Variants in SCFD2 observed in about 807,000 individuals in gnomAD.
The protein encoded by SCFD2 is sec1 family domain containing 2.
SCFD2 carries 54 observed loss-of-function variants against 58.9 expected under a neutral mutation model. The observed-to-expected ratio is 0.92, with a 90% confidence interval of 0.74 to 1.15. The LOEUF is 1.15. Ranked by LOEUF, SCFD2 falls within the 50% of genes most tolerant of loss-of-function variation. The probability of loss-of-function intolerance (pLI) is 0.00; values close to 1 mark genes in which losing one functional copy is unlikely to be tolerated. For missense variants in SCFD2, 805 were observed against 836.6 expected (o/e 0.96, Z 0.47); for synonymous variants, 321 against 335.9 (o/e 0.96, Z 0.49).
intron 5 of SCFD2, among the ~76,000 whole-genome samples, chr4:53,032,524 G>A (rs181737532): frequency 6.6e-6 from 1 of 152,306 alleles, no homozygotes; most frequent in Non-Finnish European, 1.5e-5. Context: ...AGACCCATCA[G>A]TGTGCTGTAT....
chr4:53,210,487 G>A lies in SCFD2; in HGVS notation c.1311+63339C>T, dbSNP rs1406541403. Among the ~76,000 whole-genome samples, 3 of 151,958 alleles carry A rather than the reference G, an allele frequency of 2.0e-5. 1 individual carries two copies. The highest frequency in any genetic ancestry group is 4.8e-5 in the African/African-American group (2 of 41,330). On this transcript the variant is annotated intron_variant, in intron 4 of 8. Transcript: ENST00000401642. The stretch of plus-strand genomic sequence containing the variant: ...CCAGAAGCTATGTGATGTGTGATAC[G>A]ACAACAGATTGAATGCAGAAGGAGA...
intron 4 of SCFD2, among the ~76,000 whole-genome samples, chr4:53,180,009 T>C (rs180686462): frequency 7.2e-5 from 11 of 152,124 alleles, no homozygotes; most frequent in African/African-American, 2.4e-4. Flanking sequence ...AGCGAGTCCT[T>C]AGTGACCTAC....
At chr4:52,930,622 T>C (rs1306677663) in intron 5 of SCFD2, among the ~76,000 whole-genome samples, 1 of 152,158 alleles carries the variant, frequency 6.6e-6, no homozygotes. Flanking sequence ...GAAAAATCTC[T>C]CTAAAATGGC....
intron 2 of SCFD2, among the ~76,000 whole-genome samples, chr4:53,335,654 G>T (rs1409329478): frequency 6.6e-6 from 1 of 152,042 alleles, no homozygotes; most frequent in Non-Finnish European, 1.5e-5. Context: ...AAATGTTTCA[G>T]GTGAGGGGAA....
intron 4 of SCFD2, among the ~76,000 whole-genome samples, chr4:53,220,470 A>G (rs1329011898): frequency 6.6e-6 from 1 of 152,210 alleles, no homozygotes; most frequent in Non-Finnish European, 1.5e-5. Context: ...TAGGTACCCA[A>G]TAATTATTTG....
chr4:53,009,814 T>C (rs942508693), intron 5 of SCFD2, among the ~76,000 whole-genome samples: 1 of 152,196 alleles, frequency 6.6e-6, no homozygotes, highest in Non-Finnish European at 1.5e-5. Flanking sequence ...AATTTGAAGC[T>C]ATCTTTCTGG....
At chr4:53,241,243 T>G (rs1729883112) in intron 4 of SCFD2, among the ~76,000 whole-genome samples, 3 of 151,930 alleles carry the variant, frequency 2.0e-5, no homozygotes, top group Admixed American at 6.5e-5. Flanking sequence ...TTCCAGCCAC[T>G]GCAAAGCCCA....
At chr4:53,053,818 A>G (rs538084166) in intron 5 of SCFD2, among the ~76,000 whole-genome samples, 1 of 152,264 alleles carries the variant, frequency 6.6e-6, no homozygotes, top group East Asian at 1.9e-4. Context: ...AAATTAATAC[A>G]TAGTAGATGT....
At chr4:53,090,195 T>TG (rs1226798984) in intron 5 of SCFD2, among the ~76,000 whole-genome samples, 2 of 152,188 alleles carry the variant, frequency 1.3e-5, no homozygotes, top group Non-Finnish European at 2.9e-5. Context: ...TTGCTAGGAC[T>TG]CTAGTCAAAA....
intron 5 of SCFD2, among the ~76,000 whole-genome samples, chr4:53,085,765 C>T (rs1380606034): frequency 6.6e-6 from 1 of 151,878 alleles, no homozygotes; most frequent in Admixed American, 6.6e-5. Context: ...GACAAAGGTG[C>T]CAAAAATATA....
intron 3 of SCFD2, among the ~76,000 whole-genome samples, chr4:53,303,368 T>C (rs371901085): frequency 3.9e-5 from 6 of 152,140 alleles, no homozygotes; most frequent in South Asian, 2.1e-4. Flanking sequence ...TCATCACTGG[T>C]CATCAGAGAA....
chr4:53,317,896 C>T (rs1234677068), intron 2 of SCFD2, among the ~76,000 whole-genome samples: 2 of 152,164 alleles, frequency 1.3e-5, no homozygotes, highest in Non-Finnish European at 2.9e-5. Context: ...CAAATCCTGA[C>T]ACACAAGTGC....
intron 5 of SCFD2, among the ~76,000 whole-genome samples, chr4:53,029,254 A>G (rs1577670809): frequency 6.6e-6 from 1 of 152,172 alleles, no homozygotes; most frequent in East Asian, 1.9e-4. Context: ...AAAAAAATTT[A>G]AACAAAGGTG....
chr4:52,955,865 C>A (rs1720699466), intron 5 of SCFD2: 1 of 345,516 alleles, frequency 2.9e-6, no homozygotes, highest in Non-Finnish European at 5.7e-6. Flanking sequence ...CCATTGCGTG[C>A]CCAAGTTAGC....
intron 4 of SCFD2, among the ~76,000 whole-genome samples, chr4:53,239,808 C>T (rs571178953): frequency 6.6e-6 from 1 of 152,254 alleles, no homozygotes; most frequent in East Asian, 1.9e-4. Flanking sequence ...ATGCTACTTA[C>T]ATTTCACTGT....
intron 2 of SCFD2, among the ~76,000 whole-genome samples, chr4:53,345,493 T>G (rs1398037999): frequency 1.3e-5 from 2 of 152,160 alleles, no homozygotes. Context: ...TTTTACACTG[T>G]TGGTGGGAGT....
At chr4:53,109,473 G>A (rs547448682) in intron 5 of SCFD2, among the ~76,000 whole-genome samples, 70 of 151,994 alleles carry the variant, frequency 4.6e-4, no homozygotes, top group Non-Finnish European at 8.4e-4. Context: ...AAACCCCATC[G>A]TCTCTCAGCC....
intron 4 of SCFD2, among the ~76,000 whole-genome samples, chr4:53,165,499 C>T (rs566964636): frequency 3.9e-5 from 6 of 152,248 alleles, no homozygotes; most frequent in South Asian, 4.2e-4. Context: ...CTGACTTGCA[C>T]GACCCTACAT....
intron 3 of SCFD2, among the ~76,000 whole-genome samples, chr4:53,311,396 C>T (rs1286856086): frequency 6.6e-6 from 1 of 151,608 alleles, no homozygotes; most frequent in African/African-American, 2.4e-5. Context: ...TGACAGAAAA[C>T]TCAAACATTT....
Sources: allele counts gnomAD v4.1 joint callset (sites outside exome capture counted in the v4.1 genomes callset), GRCh38; gene constraint gnomAD v4.1.1; transcripts MANE v1.5; gene names NCBI Gene and HGNC (gene_info 2026-07-23, HGNC 2026-07-21).